SYPL1: variants seen among roughly 807,000 people sequenced by gnomAD.
SYPL1 encodes the protein synaptophysin like 1, also known as synaptophysin-like protein 1.
In SYPL1, 6 loss-of-function variants were observed where a neutral mutation model predicts 23.7. The ratio of observed to expected loss-of-function variants is 0.25; its 90% confidence interval spans 0.14 to 0.50. The LOEUF is 0.50. Among genes scored for constraint, SYPL1 ranks in the 20% least tolerant of loss-of-function variants. The probability of loss-of-function intolerance (pLI) is 0.98; values close to 1 mark genes in which losing one functional copy is unlikely to be tolerated. For missense variants in SYPL1, 253 were observed against 288.9 expected (o/e 0.88, Z 0.90); for synonymous variants, 102 against 104.5 (o/e 0.98, Z 0.15).
At chr7:106,101,448 C>G (rs1026063956) in intron 1 of SYPL1, among the ~76,000 whole-genome samples, 4 of 3,722 alleles carry the variant, frequency 1.1e-3, no homozygotes, top group South Asian at 0.019. Flanking sequence ...GCCCCCCCCC[C>G]CCCCCCCCCC....
chr7:106,108,555 A>G (rs1356720970), intron 1 of SYPL1, among the ~76,000 whole-genome samples: 4 of 152,118 alleles, frequency 2.6e-5, no homozygotes, highest in African/African-American at 9.7e-5. Flanking sequence ...CCACCAACAT[A>G]AGTGAACATA....
At chr7:106,106,740 T>C (rs1298220382) in intron 1 of SYPL1, among the ~76,000 whole-genome samples, 1 of 150,594 alleles carries the variant, frequency 6.6e-6, no homozygotes, top group Non-Finnish European at 1.5e-5. Context: ...AGCTACCCAG[T>C]AGACTGAAGT....
chr7:106,105,512 CAT>C (rs1486415246), intron 1 of SYPL1, among the ~76,000 whole-genome samples: 1 of 147,736 alleles, frequency 6.8e-6, no homozygotes, highest in Admixed American at 6.9e-5. Context: ...CCACCAGACC[CAT>C]ACTAGATGAC....
At chr7:106,112,019 C>G in intron 1 of SYPL1, 121 bp downstream of exon 1, 3 of 1,138,290 alleles carry the variant, frequency 2.6e-6, no homozygotes, top group Non-Finnish European at 2.2e-6. Context: ...CTCCCAGTCC[C>G]GGGGCGGCGG....
At chr7:106,103,808 C>G (rs1177836610) in intron 1 of SYPL1, among the ~76,000 whole-genome samples, 2 of 152,140 alleles carry the variant, frequency 1.3e-5, no homozygotes, top group Non-Finnish European at 2.9e-5. Flanking sequence ...CTGGACAGAG[C>G]TAGTTTAGAA....
chr7:106,105,970 T>C (rs554994908), intron 1 of SYPL1, among the ~76,000 whole-genome samples: 16 of 152,256 alleles, frequency 1.1e-4, no homozygotes, highest in African/African-American at 3.6e-4. Context: ...CACACACTCA[T>C]GTATAAAAGA....
In SYPL1 at chr7:106,097,825, G is replaced by A. The variant is rs145753939; in HGVS notation, c.267C>T (p.Leu89=). 6 of 1,613,948 alleles carry A rather than the reference G, an allele frequency of 3.7e-6. No individual in the cohort carries two copies. The African/African-American group carries it at 4.0e-5, about 11-fold the overall frequency. ...ICDVNWKDYV[L]IGDYSSSAQF... is the part of the protein sequence containing the mutation. Reference sequence around the variant, plus strand: ...GTGCAGAAGAAGAGTAATCGCCTATGAGGACGTAATCTTTCCAATTTACAT... The same window carrying A: ...GTGCAGAAGAAGAGTAATCGCCTATAAGGACGTAATCTTTCCAATTTACAT... Residue 89 remains leucine, a synonymous_variant, in exon 3 of 5, where the codon CTC becomes CTT. Coordinates refer to ENST00000455385, the MANE Select transcript of SYPL1 (RefSeq NM_182715.4). This position sits in a 1 kb window ranked among gnomAD's most constrained non-coding sequence, Gnocchi z 4.6.
intron 2 of SYPL1, 143 bp from the exon 3 acceptor site, chr7:106,098,040 A>G (rs1381763871): frequency 8.7e-6 from 6 of 690,166 alleles, no homozygotes; most frequent in Non-Finnish European, 1.4e-5. Flanking sequence ...TTCAAATATT[A>G]TATTTAAGTA....
At position 106,092,920 on chromosome 7, in the gene SYPL1, G is replaced by GA. The variant is rs752645465; in HGVS notation, c.591+28dup. The GA allele has an allele frequency of 4.0e-6, 6 of 1,485,008 alleles. No homozygotes were observed. The East Asian group carries it at 1.0e-4, about 25-fold the overall frequency. 92.0% of individuals were successfully genotyped at this position (1,485,008 alleles called of 1,614,324 possible). ...TAGTACTTTAAACAAATATATGAAA[G>GA]AAAAAAATTATAAATAATGCATACA... On this transcript the variant is annotated intron_variant, in intron 4 of 4. Coordinates refer to ENST00000455385, the MANE Select transcript of SYPL1 (RefSeq NM_182715.4).
rs1268588424 is a variant in SYPL1 at position 106,106,672 on chromosome 7, C to CT, written c.69+5467dup. Among the ~76,000 whole-genome samples the CT allele has an allele frequency of 2.0e-5, 3 of 151,984 alleles. No individual in the cohort carries two copies. The East Asian group carries it at 5.8e-4, about 29-fold the overall frequency. ...CTGGCCTGGGTGACATGGTGGGACT[C>CT]TGTCTCTATAAAAAATTATAGAAGT... On this transcript the variant is annotated intron_variant, in intron 1 of 4. Transcript: ENST00000455385.
At chr7:106,103,836 G>C (rs1441370577) in intron 1 of SYPL1, among the ~76,000 whole-genome samples, 2 of 152,082 alleles carry the variant, frequency 1.3e-5, no homozygotes, top group Non-Finnish European at 2.9e-5. Flanking sequence ...AAACTGATCT[G>C]AAATAAAAAT....
rs1304123444 is a variant in SYPL1, at chr7:106,109,537, T to C, written c.69+2603A>G. 6.6e-6 allele frequency among the ~76,000 whole-genome samples: 1 copy of C among 152,236 alleles called. No individual in the cohort carries two copies. The highest frequency in any genetic ancestry group is 1.5e-5 in the Non-Finnish European group (1 of 68,042). On this transcript the variant is annotated intron_variant, in intron 1 of 4. Transcript: ENST00000455385. This position sits in a 1 kb window ranked among gnomAD's most constrained non-coding sequence, Gnocchi z 4.3. ...TCCTTCTCTCCTTTGCAGGCAGATA[T>C]CTGCTATATCTGCAGCCCAAACTCA... is the stretch of plus-strand genomic sequence containing the variant.
rs964230475 is a variant in SYPL1, at chr7:106,091,677, A to G, written c.*128T>C. 4.9e-6 allele frequency: 5 copies of G among 1,019,534 alleles called. No homozygotes were observed. The African/African-American group carries it at 4.9e-5, about 10-fold the overall frequency. The allele number at this position is 1,019,534 out of a possible 1,614,324, so 63.2% of individuals were successfully genotyped here. On this transcript the variant is annotated 3_prime_UTR_variant, in exon 5 of 5. Coordinates refer to ENST00000455385, the MANE Select transcript of SYPL1 (RefSeq NM_182715.4). This position sits in a 1 kb window ranked among gnomAD's most constrained non-coding sequence, Gnocchi z 5.0. ...CACAGGCTTTATGTAAAAAAGCAGC[A>G]AAGTTTTAAACCCACCAATATATTG...
rs532969038 is a variant in SYPL1, at chr7:106,109,004, C to G, written c.69+3136G>C. Among the ~76,000 whole-genome samples, 3 of 152,196 alleles carry G rather than the reference C, an allele frequency of 2.0e-5. No individual in the cohort carries two copies. Among genetic ancestry groups the G allele is most frequent in the Non-Finnish European group, 4.4e-5 (3 of 68,036 alleles). On this transcript the variant is annotated intron_variant, in intron 1 of 4. Transcript: ENST00000455385. The surrounding 1 kb of genome is among the most constrained non-coding windows in gnomAD (Gnocchi z 4.3). The stretch of plus-strand genomic sequence containing the variant: ...AGGAAGAATACCAAACTCTATTTCA[C>G]TGCCACATACTTGCAGTTAAAAACA...
At chr7:106,102,803 A>G (rs1343921858) in intron 1 of SYPL1, among the ~76,000 whole-genome samples, 1 of 152,234 alleles carries the variant, frequency 6.6e-6, no homozygotes, top group Admixed American at 6.5e-5. Flanking sequence ...ATAGATAACT[A>G]ATACAAGGAA....
Position 106,099,273 on chromosome 7 carries a change from T to G in SYPL1, c.79A>C (p.Ile27Leu). 6.2e-7 allele frequency: 1 copy of G among 1,606,792 alleles called. No individual in the cohort carries two copies. Among genetic ancestry groups the G allele is most frequent in the Non-Finnish European group, 8.5e-7 (1 of 1,177,614 alleles). The part of the protein sequence containing the change: ...FIKVLEWIAS[I>L]FAFATCGGFK... Reference sequence around the variant, plus strand: ...CCTCCACAGGTGGCAAAAGCAAAGATAGAAGCAATCTACACAAAGTAAGAT... The same window carrying G: ...CCTCCACAGGTGGCAAAAGCAAAGAGAGAAGCAATCTACACAAAGTAAGAT... Residue 27 changes from isoleucine (I) to leucine (L), a missense_variant, in exon 2 of 5, where the codon ATC (isoleucine) becomes CTC (leucine). Physicochemically the swap from Ile to Leu is conservative, Grantham distance 5. Transcript: ENST00000455385.
At chr7:106,107,505 C>A (rs1231738598) in intron 1 of SYPL1, among the ~76,000 whole-genome samples, 1 of 152,096 alleles carries the variant, frequency 6.6e-6, no homozygotes, top group Non-Finnish European at 1.5e-5. Flanking sequence ...CTTTGGGAGG[C>A]CAGGGCGGAC....
At position 106,100,529 on chromosome 7, in the gene SYPL1, T is replaced by C. The variant is rs1031735897; in HGVS notation, c.70-1247A>G. Among the ~76,000 whole-genome samples, 3 of 152,194 alleles carry C rather than the reference T, an allele frequency of 2.0e-5. No homozygotes were observed. The highest frequency in any genetic ancestry group is 4.8e-5 in the African/African-American group (2 of 41,452). On this transcript the variant is annotated intron_variant, in intron 1 of 4. Coordinates refer to ENST00000455385, the MANE Select transcript of SYPL1 (RefSeq NM_182715.4). This position sits in a 1 kb window ranked among gnomAD's most constrained non-coding sequence, Gnocchi z 5.1. ...CCTTTTTATTTTTGTACTTGTGAAT[T>C]TTCTACAAAACAACACAAGTAAGCA...
rs176501 is a variant in SYPL1 at position 106,112,245 on chromosome 7, G to A, written c.-37C>T. On this transcript the variant is annotated 5_prime_UTR_variant, in exon 1 of 5. Coordinates refer to ENST00000455385, the MANE Select transcript of SYPL1 (RefSeq NM_182715.4). ...AGGAGGGAGAGAGAGTCAGGACGAC[G>A]GGGCGGAGGAGGGGACCGACGAGAC... 371,133 of 1,515,130 alleles carry A rather than the reference G, an allele frequency of 0.24. 47,905 individuals carry two copies. The highest frequency in any genetic ancestry group is 0.3 in the South Asian group (24,625 of 81,634). The allele number at this position is 1,515,130 out of a possible 1,614,324, so 93.9% of individuals were successfully genotyped here.
Sources: gnomAD v4.1 joint callset for allele counts (sites outside exome capture counted in the v4.1 genomes callset) on GRCh38, gnomAD v4.1.1 for gene constraint, Gnocchi (gnomAD v3.1) non-coding constraint, MANE v1.5 for transcripts, NCBI Gene and HGNC (gene_info 2026-07-23, HGNC 2026-07-21) for gene names.